Variants in DMD observed in about 807,000 individuals in gnomAD.
DMD encodes the protein dystrophin.
DMD carries 63 observed loss-of-function variants against 330.1 expected under a neutral mutation model. The ratio of observed to expected loss-of-function variants is 0.19; its 90% confidence interval spans 0.16 to 0.24. The LOEUF is 0.24. DMD is among the 10% of genes least tolerant of loss of function. The probability of loss-of-function intolerance (pLI) is 1.00; values close to 1 mark genes in which losing one functional copy is unlikely to be tolerated. For synonymous variants in DMD, 1,223 were observed against 959.8 expected, an observed-to-expected ratio of 1.27 and a Z score of -5.07; for missense variants, 3,344 against 2,684.1, an observed-to-expected ratio of 1.25 and a Z score of -5.43.
At chrX:31,367,766 C>T (rs2059338376) in intron 60 of DMD, among the ~76,000 whole-genome samples, 1 of 111,680 alleles carries the variant, frequency 9.0e-6, no homozygotes, top group African/African-American at 3.3e-5. Flanking sequence ...GACTCAATAT[C>T]GACTTTTAAA....
chrX:33,311,519 C>T (rs1378843759), intron 1 of DMD, among the ~76,000 whole-genome samples: 2 of 110,510 alleles, frequency 1.8e-5, no homozygotes, highest in Non-Finnish European at 3.8e-5. Flanking sequence ...ACAAAATGAT[C>T]GTATGTCTGT....
chrX:31,354,357 T>TTCCC (rs1373298514), intron 60 of DMD, among the ~76,000 whole-genome samples: 8 of 111,172 alleles, frequency 7.2e-5, no homozygotes, highest in African/African-American at 2.6e-4. Context: ...TTTGAAAAAC[T>TTCCC]TCCCTCCCTC....
At chrX:32,045,614 T>C (rs1329557971) in intron 44 of DMD, among the ~76,000 whole-genome samples, 1 of 111,427 alleles carries the variant, frequency 9.0e-6, no homozygotes, top group East Asian at 2.8e-4. Context: ...CTGTCCTTGA[T>C]ACTCTTGTTT....
chrX:32,486,623 A>C (rs1324655334), intron 20 of DMD, among the ~76,000 whole-genome samples: 1 of 109,416 alleles, frequency 9.1e-6, no homozygotes, highest in Non-Finnish European at 1.9e-5. Flanking sequence ...ACAGTAACCA[A>C]AACAGCATGG....
intron 60 of DMD, among the ~76,000 whole-genome samples, chrX:31,371,383 A>G (rs748245111): frequency 9.8e-5 from 11 of 112,015 alleles, no homozygotes; most frequent in Admixed American, 3.8e-4. Context: ...CAATATACCA[A>G]TAGTTTTCTT....
At chrX:32,290,816 A>G (rs779770410) in intron 42 of DMD, among the ~76,000 whole-genome samples, 1 of 112,060 alleles carries the variant, frequency 8.9e-6, no homozygotes, top group South Asian at 3.7e-4. Flanking sequence ...AGAATTGAAG[A>G]AAAAAATCCA....
intron 50 of DMD, among the ~76,000 whole-genome samples, chrX:31,790,439 T>C (rs1222522447): frequency 8.9e-6 from 1 of 111,838 alleles, no homozygotes; most frequent in Non-Finnish European, 1.9e-5. Context: ...ATTTTGGTGA[T>C]TAGTGAATCA....
At chrX:31,773,898 T>C in intron 51 of DMD, 62 bp downstream of exon 51, 2 of 1,030,908 alleles carry the variant, frequency 1.9e-6, no homozygotes, top group Non-Finnish European at 1.4e-6. Flanking sequence ...AGTAAAGTGA[T>C]TGGTGGAAAA....
At chrX:32,611,502 A>G (rs753614500) in intron 12 of DMD, among the ~76,000 whole-genome samples, 70 of 111,976 alleles carry the variant, frequency 6.3e-4, no homozygotes, top group Admixed American at 3.5e-3. Flanking sequence ...TTTTATGACA[A>G]TATTTGTCAA....
chrX:31,366,193 C>T (rs867700835), intron 60 of DMD, among the ~76,000 whole-genome samples: 31 of 110,479 alleles, frequency 2.8e-4, no homozygotes, highest in African/African-American at 7.6e-4. Context: ...TGCAAAGGGA[C>T]GAAATCATGG....
chrX:32,024,197 T>C (rs769801269), intron 44 of DMD, among the ~76,000 whole-genome samples: 1 of 112,240 alleles, frequency 8.9e-6, no homozygotes, highest in East Asian at 2.8e-4. Flanking sequence ...AAAATATTTA[T>C]GTATGGGCCG....
chrX:31,162,811 T>TA (rs2038999238), intron 74 of DMD, among the ~76,000 whole-genome samples: 1 of 111,755 alleles, frequency 8.9e-6, no homozygotes, highest in Non-Finnish European at 1.9e-5. Flanking sequence ...ATGAACTGCA[T>TA]ACTATGAATC....
At chrX:32,709,881 A>G (rs955944122) in intron 7 of DMD, among the ~76,000 whole-genome samples, 3 of 111,790 alleles carry the variant, frequency 2.7e-5, no homozygotes, top group African/African-American at 6.5e-5. Flanking sequence ...AGATTGTTTT[A>G]CCAATGACTG....
intron 52 of DMD, among the ~76,000 whole-genome samples, chrX:31,716,321 G>A (rs1346839504): frequency 1.8e-5 from 2 of 112,308 alleles, no homozygotes; most frequent in Non-Finnish European, 3.8e-5. Context: ...GGAGGCCGAG[G>A]CGGGTGGATC....
intron 62 of DMD, 150 bp from the exon 63 acceptor site, chrX:31,261,166 G>C (rs1335013891): frequency 2.1e-6 from 1 of 483,875 alleles, no homozygotes. Context: ...GTGTATTGAA[G>C]AAATGTTTAT....
intron 30 of DMD, among the ~76,000 whole-genome samples, chrX:32,408,401 A>T (rs1459682277): frequency 8.9e-6 from 1 of 112,332 alleles, no homozygotes; most frequent in African/African-American, 3.2e-5. Context: ...GTAAAGAAGC[A>T]TCCTGATCTA....
intron 13 of DMD, among the ~76,000 whole-genome samples, chrX:32,579,319 C>A (rs901840783): frequency 8.9e-6 from 1 of 111,900 alleles, no homozygotes; most frequent in African/African-American, 3.2e-5. Context: ...GTAATAATCT[C>A]CTGTCTGAAC....
At chrX:31,572,766 T>A (rs2147959550) in intron 55 of DMD, among the ~76,000 whole-genome samples, 1 of 112,460 alleles carries the variant, frequency 8.9e-6, no homozygotes, top group East Asian at 2.8e-4. Context: ...CTATCTTACC[T>A]CACATTCATC....
chrX:31,189,025 G>T (rs1308521417), intron 67 of DMD, among the ~76,000 whole-genome samples: 1 of 109,622 alleles, frequency 9.1e-6, no homozygotes, highest in Non-Finnish European at 1.9e-5. Flanking sequence ...GGATTTCTTT[G>T]ATGTTGTGCT....
Sources: gnomAD v4.1 joint callset for allele counts (sites outside exome capture counted in the v4.1 genomes callset) on GRCh38, gnomAD v4.1.1 for gene constraint, MANE v1.5 for transcripts, NCBI Gene and HGNC (gene_info 2026-07-23, HGNC 2026-07-21) for gene names.